SLC35D4: variants seen among roughly 807,000 people sequenced by gnomAD.
The protein encoded by SLC35D4 is UDP-N-acetylglucosamine transporter SLC35D4.
the SLC35D4 span, among the ~76,000 whole-genome samples, chr18:23,336,683 G>A: frequency 3.9e-5 from 6 of 152,152 alleles, no homozygotes; most frequent in Non-Finnish European, 7.3e-5. Context: ...GCTTCGAAAC[G>A]TGATGGGAAG....
chr18:23,289,110 C>T, the SLC35D4 span, among the ~76,000 whole-genome samples: 9 of 152,182 alleles, frequency 5.9e-5, no homozygotes, highest in African/African-American at 2.2e-4. Flanking sequence ...TCTGTCTAGT[C>T]ATACTCCTAT....
the SLC35D4 span, among the ~76,000 whole-genome samples, chr18:23,371,803 C>CTTGCAT: frequency 6.6e-6 from 1 of 152,018 alleles, no homozygotes; most frequent in South Asian, 2.1e-4. Context: ...ATAAGGATAA[C>CTTGCAT]TTGCATTTTC....
At chr18:23,367,082 A>G in the SLC35D4 span, among the ~76,000 whole-genome samples, 2 of 152,140 alleles carry the variant, frequency 1.3e-5, no homozygotes, top group African/African-American at 4.8e-5. Context: ...TCATGGCAGG[A>G]TATGAGGGGT....
chr18:23,354,345 C>CAAAAAAAAAAAAAAAAAA, the SLC35D4 span, among the ~76,000 whole-genome samples: 2 of 99,140 alleles, frequency 2.0e-5, no homozygotes, highest in African/African-American at 8.5e-5. Context: ...ACTAAAAATA[C>CAAAAAAAAAAAAAAAAAA]AAAAAAAAAA....
At chr18:23,433,788 G>A in the SLC35D4 span, among the ~76,000 whole-genome samples, 23 of 151,202 alleles carry the variant, frequency 1.5e-4, no homozygotes, top group African/African-American at 5.3e-4. Context: ...TGCTGAAGGA[G>A]AAAATTACAC....
At chr18:23,359,297 T>C in the SLC35D4 span, among the ~76,000 whole-genome samples, 8 of 151,646 alleles carry the variant, frequency 5.3e-5, no homozygotes, top group African/African-American at 1.9e-4. Flanking sequence ...AGGCAGAGAA[T>C]TGCTTGAATC....
the SLC35D4 span, among the ~76,000 whole-genome samples, chr18:23,291,215 T>C: frequency 3.3e-5 from 5 of 152,184 alleles, no homozygotes; most frequent in Non-Finnish European, 5.9e-5. Context: ...TGAAGAACAG[T>C]GCTCCTAGAA....
chr18:23,325,720 G>A, the SLC35D4 span, among the ~76,000 whole-genome samples: 1 of 152,102 alleles, frequency 6.6e-6, no homozygotes, highest in East Asian at 1.9e-4. Context: ...GTGTTATCTT[G>A]TCCCCTCCAA....
chr18:23,336,893 G>A, the SLC35D4 span, among the ~76,000 whole-genome samples: 74 of 152,128 alleles, frequency 4.9e-4, no homozygotes, highest in Non-Finnish European at 7.9e-4. Flanking sequence ...AGCAGTAATA[G>A]AATACAAAGT....
chr18:23,313,075 C>T, the SLC35D4 span, among the ~76,000 whole-genome samples: 4 of 134,638 alleles, frequency 3.0e-5, no homozygotes, highest in South Asian at 4.8e-4. Flanking sequence ...TGCAGTGAGC[C>T]GAGATCACGC....
At chr18:23,340,993 T>C in the SLC35D4 span, among the ~76,000 whole-genome samples, 2 of 152,250 alleles carry the variant, frequency 1.3e-5, no homozygotes, top group South Asian at 4.1e-4. Context: ...CTGGAGAAAC[T>C]GACTAGGAGA....
the SLC35D4 span, among the ~76,000 whole-genome samples, chr18:23,240,859 AAAGTG>A: frequency 6.6e-6 from 1 of 151,744 alleles, no homozygotes; most frequent in Non-Finnish European, 1.5e-5. Context: ...AGCAGCTCTC[AAAGTG>A]ATGAGCTAAT....
the SLC35D4 span, among the ~76,000 whole-genome samples, chr18:23,248,547 G>A: frequency 3.7e-5 from 4 of 108,914 alleles, no homozygotes; most frequent in East Asian, 2.0e-4. Flanking sequence ...TTAAAAAAAG[G>A]CTGGACGTGG....
chr18:23,373,716 G>C, the SLC35D4 span: 2 of 1,613,744 alleles, frequency 1.2e-6, no homozygotes, highest in Non-Finnish European at 8.5e-7. Context: ...ACTTACCTGG[G>C]AGTCATTGAA....
At chr18:23,347,023 T>C in the SLC35D4 span, among the ~76,000 whole-genome samples, 23 of 152,360 alleles carry the variant, frequency 1.5e-4, no homozygotes, top group African/African-American at 4.6e-4. Context: ...ACCCACCTCA[T>C]AGAATAACTT....
the SLC35D4 span, among the ~76,000 whole-genome samples, chr18:23,394,927 G>A: frequency 7.0e-6 from 1 of 142,982 alleles, no homozygotes; most frequent in Admixed American, 7.4e-5. Flanking sequence ...AGGTTGTGGT[G>A]AGCCGAGATC....
chr18:23,432,499 A>G, the SLC35D4 span, among the ~76,000 whole-genome samples: 2 of 151,706 alleles, frequency 1.3e-5, no homozygotes, highest in Admixed American at 1.3e-4. Context: ...TGACCAACAT[A>G]GTGAAACCCC....
chr18:23,362,372 G>A, the SLC35D4 span, among the ~76,000 whole-genome samples: 1 of 152,212 alleles, frequency 6.6e-6, no homozygotes, highest in South Asian at 2.1e-4. Flanking sequence ...GCTGAGGCAG[G>A]CAGATCACTT....
chr18:23,364,748 C>CA, the SLC35D4 span, among the ~76,000 whole-genome samples: 3 of 151,430 alleles, frequency 2.0e-5, no homozygotes, highest in Admixed American at 2.0e-4. Flanking sequence ...ACTAAAAGTA[C>CA]AAAAAATTAG....
Sources: gnomAD v4.1 joint callset for allele counts (sites outside exome capture counted in the v4.1 genomes callset) on GRCh38, gnomAD v4.1.1 for gene constraint, MANE v1.5 for transcripts, NCBI Gene and HGNC (gene_info 2026-07-23, HGNC 2026-07-21) for gene names.